AJAP1: variants seen among roughly 807,000 people sequenced by gnomAD.
The protein encoded by AJAP1 is adherens junction-associated protein 1.
In AJAP1, 5 loss-of-function variants were observed where a neutral mutation model predicts 35.0. The ratio of observed to expected loss-of-function variants is 0.14; its 90% CI spans 0.07 to 0.30. The LOEUF is 0.30. AJAP1 is among the 10% of genes least tolerant of loss of function. The pLI is 1.00. For synonymous variants in AJAP1, 284 were observed against 249.3 expected (o/e 1.14, Z -1.31); for missense variants, 586 against 571.0 (o/e 1.03, Z -0.27).
intron 2 of AJAP1, 54 bp downstream of exon 2, chr1:4,712,753 G>C (rs561370127): frequency 1.4e-6 from 2 of 1,473,450 alleles, no homozygotes; most frequent in African/African-American, 1.4e-5. Context: ...GGCTGGGAGC[G>C]TGACTCGGGA....
intron 2 of AJAP1, among the ~76,000 whole-genome samples, chr1:4,744,770 C>A (rs1175012011): frequency 6.6e-6 from 1 of 152,202 alleles, no homozygotes; most frequent in African/African-American, 2.4e-5. Context: ...CGCTTGCATG[C>A]ACACAGGTAT....
At chr1:4,747,713 G>A (rs1411103513) in intron 2 of AJAP1, among the ~76,000 whole-genome samples, 1 of 152,152 alleles carries the variant, frequency 6.6e-6, no homozygotes, top group Admixed American at 6.5e-5. Flanking sequence ...TCGTTGGCCG[G>A]GCATGATGGC....
chr1:4,691,411 C>T lies in AJAP1; in HGVS notation c.30-20489C>T, dbSNP rs143582265. On this transcript the variant is annotated intron_variant, in intron 1 of 5. Coordinates refer to ENST00000378191, the MANE Select transcript of AJAP1 (RefSeq NM_018836.4). Reference sequence around the variant, plus strand: ...GCTGTGGACGAGGTGCCCTGTGCTTCTGTCGTCAGCAGGGCCAGTGCTTTA... The same window carrying T: ...GCTGTGGACGAGGTGCCCTGTGCTTTTGTCGTCAGCAGGGCCAGTGCTTTA... Among the ~76,000 whole-genome samples, 444 of 152,372 alleles carry T rather than the reference C, an allele frequency of 2.9e-3. 2 individuals carry two copies. Among genetic ancestry groups the T allele is most frequent in the South Asian group, 0.017 (83 of 4,832 alleles).
chr1:4,684,202 A>G (rs755107259), intron 1 of AJAP1, among the ~76,000 whole-genome samples: 6 of 152,178 alleles, frequency 3.9e-5, no homozygotes, highest in Non-Finnish European at 8.8e-5. Context: ...GCGGGAATGC[A>G]TCCCCAGCTG....
rs114904319 is a variant in AJAP1, at chr1:4,778,245, C to T, written c.*59+3687C>T. On this transcript the variant is annotated intron_variant, in intron 5 of 5. Transcript: ENST00000378191. ...CAGCTTCCCTTTTTGCCCAGGGAAT[C>T]TCAGGTGGACATTCACCTTCAGCCA... is the stretch of plus-strand genomic sequence containing the variant. Among the ~76,000 whole-genome samples, 200 of 152,272 alleles carry T rather than the reference C, an allele frequency of 1.3e-3. 1 individual carries two copies. The highest frequency in any genetic ancestry group is 4.5e-3 in the African/African-American group (188 of 41,552).
chr1:4,734,763 G>A lies in AJAP1; in HGVS notation c.829+22064G>A, dbSNP rs1640878115. 6.6e-6 allele frequency among the ~76,000 whole-genome samples: 1 copy of A among 152,160 alleles called. No individual in the cohort carries two copies. The highest frequency in any genetic ancestry group is 1.5e-5 in the Non-Finnish European group (1 of 68,032). ...GGAAGGAGAAGGGCAGCACCCAAGA[G>A]GGGTCAGTGATGGTGGCAGGGCCAA... On this transcript the variant is annotated intron_variant, in intron 2 of 5. Transcript: ENST00000378191. The surrounding 1 kb of genome is among the most constrained non-coding windows in gnomAD (Gnocchi z 4.3).
chr1:4,679,657 C>G (rs1408875677), intron 1 of AJAP1, among the ~76,000 whole-genome samples: 1 of 152,142 alleles, frequency 6.6e-6, no homozygotes, highest in African/African-American at 2.4e-5. Flanking sequence ...TGGTTGCTGG[C>G]AGTCCTTGGT....
intron 2 of AJAP1, among the ~76,000 whole-genome samples, chr1:4,713,355 C>T (rs1207000526): frequency 6.6e-6 from 1 of 152,208 alleles, no homozygotes; most frequent in Admixed American, 6.5e-5. Context: ...GTTTGGAGGA[C>T]GGAGATCAGA....
chr1:4,690,011 C>G (rs1052628180), intron 1 of AJAP1, among the ~76,000 whole-genome samples: 4 of 152,142 alleles, frequency 2.6e-5, no homozygotes, highest in African/African-American at 9.7e-5. Context: ...CCCCCCCAGC[C>G]CCGCTCCCTC....
chr1:4,790,386 G>A lies in AJAP1; in HGVS notation c.*7901G>A, dbSNP rs1254178627. ...CGTATGCAGCCAGTCAACATGAATG[G>A]GACCCTAGAAACTGTGAGGAGCAGG... On this transcript the variant is annotated 3_prime_UTR_variant, in exon 6 of 6. Transcript: ENST00000378191. 2 of 152,150 alleles carry A rather than the reference G, an allele frequency of 1.3e-5. No individual in the cohort carries two copies. The highest frequency in any genetic ancestry group is 2.9e-5 in the Non-Finnish European group (2 of 68,026). The allele number at this position is 152,150 out of a possible 1,614,324, so 9.4% of individuals were successfully genotyped here.
intron 1 of AJAP1, among the ~76,000 whole-genome samples, chr1:4,658,735 T>A (rs995832124): frequency 6.6e-6 from 1 of 152,210 alleles, no homozygotes; most frequent in Non-Finnish European, 1.5e-5. Flanking sequence ...CCTCCCAGTG[T>A]GTCCCTGTTG....
intron 1 of AJAP1, among the ~76,000 whole-genome samples, chr1:4,682,688 T>C (rs1639509218): frequency 6.6e-6 from 1 of 152,052 alleles, no homozygotes; most frequent in Non-Finnish European, 1.5e-5. Flanking sequence ...GATGATGATG[T>C]TGGGGATGAG....
chr1:4,764,875 C>A (rs2100351805), intron 2 of AJAP1, among the ~76,000 whole-genome samples: 1 of 152,288 alleles, frequency 6.6e-6, no homozygotes, highest in South Asian at 2.1e-4. Flanking sequence ...GATTCAGCTT[C>A]ATTTAATAAG....
At chr1:4,683,697 G>A (rs1639539028) in intron 1 of AJAP1, among the ~76,000 whole-genome samples, 1 of 152,218 alleles carries the variant, frequency 6.6e-6, no homozygotes, top group Non-Finnish European at 1.5e-5. Context: ...TCACCTGGCT[G>A]AAAACAAGCT....
rs1450770671 is a variant in AJAP1 at position 4,789,926 on chromosome 1, G to A, written c.*7441G>A. Reference sequence around the variant, plus strand: ...GAAATCATTGTACAGGGAACTGCAGGGGTGAACACCATTGTACCAATCCCC... The same window carrying A: ...GAAATCATTGTACAGGGAACTGCAGAGGTGAACACCATTGTACCAATCCCC... On this transcript the variant is annotated 3_prime_UTR_variant, in exon 6 of 6. Coordinates refer to ENST00000378191, the MANE Select transcript of AJAP1 (RefSeq NM_018836.4). The surrounding 1 kb of genome is among the most constrained non-coding windows in gnomAD (Gnocchi z 4.4). 6.6e-6 allele frequency: 1 copy of A among 152,182 alleles called. No individual in the cohort carries two copies. The highest frequency in any genetic ancestry group is 1.5e-5 in the Non-Finnish European group (1 of 68,078). 9.4% of individuals were successfully genotyped at this position (152,182 alleles called of 1,614,324 possible). A position where few individuals can be genotyped will look rare whatever the true frequency, so the allele number is the denominator to read the frequency against.
chr1:4,712,550 C>A lies in AJAP1; in HGVS notation c.680C>A (p.Thr227Asn). Residue 227 changes from threonine (T) to asparagine (N), a missense_variant, in exon 2 of 6, where the codon ACC becomes AAC. Coordinates refer to ENST00000378191, the MANE Select transcript of AJAP1 (RefSeq NM_018836.4). ...AATTTTTTTATPMTLQTKGFT... is the reference protein window; with the variant it reads ...AATTTTTTTANPMTLQTKGFT... ...ACCACCACCACCACCACCACGGCCACCCCCATGACGCTGCAGACTAAGGGG... is the reference window on the plus strand; with the variant it reads ...ACCACCACCACCACCACCACGGCCAACCCCATGACGCTGCAGACTAAGGGG... The A allele has an allele frequency of 1.9e-6, 3 of 1,612,688 alleles. No individual in the cohort carries two copies. Among genetic ancestry groups the A allele is most frequent in the East Asian group, 2.2e-5 (1 of 44,838 alleles).
At chr1:4,667,682 T>G (rs565704557) in intron 1 of AJAP1, among the ~76,000 whole-genome samples, 1 of 152,284 alleles carries the variant, frequency 6.6e-6, no homozygotes, top group South Asian at 2.1e-4. Flanking sequence ...TGAGGACAGT[T>G]CCTAACAGAT....
chr1:4,712,277 C>T lies in AJAP1; in HGVS notation c.407C>T (p.Ser136Phe). Residue 136 changes from serine (S) to phenylalanine (F), a missense_variant, in exon 2 of 6, where the codon TCC (serine) becomes TTC (phenylalanine). Ser to Phe is a radical substitution (Grantham distance 155). Coordinates refer to ENST00000378191, the MANE Select transcript of AJAP1 (RefSeq NM_018836.4). ...SSPSLASSSS[S>F]SSSAVAGGAP... Reference sequence around the variant, plus strand: ...CCTTCCCTCGCCTCTTCGTCCTCGTCCTCGTCCTCCGCGGTGGCCGGTGGG... The same window carrying T: ...CCTTCCCTCGCCTCTTCGTCCTCGTTCTCGTCCTCCGCGGTGGCCGGTGGG... 6.6e-7 allele frequency: 1 copy of T among 1,514,936 alleles called. No individual in the cohort carries two copies. The highest frequency in any genetic ancestry group is 8.8e-7 in the Non-Finnish European group (1 of 1,134,942). The allele number at this position is 1,514,936 out of a possible 1,614,324, so 93.8% of individuals were successfully genotyped here.
chr1:4,765,008 C>G (rs913765339), intron 2 of AJAP1, among the ~76,000 whole-genome samples: 3 of 152,186 alleles, frequency 2.0e-5, no homozygotes, highest in Non-Finnish European at 2.9e-5. Context: ...GCTTGGTAAT[C>G]CATCTGTCCC....
Sources: allele counts gnomAD v4.1 joint callset (sites outside exome capture counted in the v4.1 genomes callset), GRCh38; gene constraint gnomAD v4.1.1; non-coding constraint Gnocchi (gnomAD v3.1); transcripts MANE v1.5; gene names NCBI Gene and HGNC (gene_info 2026-07-23, HGNC 2026-07-21).